KCNC1: variants seen among roughly 807,000 people sequenced by gnomAD.
The protein encoded by KCNC1 is potassium voltage-gated channel subfamily C member 1, also known as voltage-gated potassium channel KCNC1.
KCNC1 carries 8 observed loss-of-function variants against 43.4 expected under a neutral mutation model. The observed-to-expected ratio is 0.18, with a 90% CI of 0.11 to 0.33. The LOEUF (loss-of-function observed/expected upper bound fraction) is 0.33. Ranked by LOEUF, KCNC1 falls within the 10% of genes least tolerant of loss-of-function variation. The probability of loss-of-function intolerance (pLI) is 1.00; values close to 1 mark genes in which losing one functional copy is unlikely to be tolerated. For missense variants in KCNC1, 420 were observed against 836.0 expected (o/e 0.50, Z 6.14); for synonymous variants, 361 against 360.5 (o/e 1.00, Z -0.01).
At chr11:17,745,793 C>G (rs1402739623) in intron 1 of KCNC1, among the ~76,000 whole-genome samples, 2 of 152,208 alleles carry the variant, frequency 1.3e-5, no homozygotes, top group Non-Finnish European at 1.5e-5. Context: ...CTCACACCCC[C>G]TCCAGGTCTA....
At chr11:17,760,228 C>T (rs1044941743) in intron 1 of KCNC1, among the ~76,000 whole-genome samples, 1 of 152,128 alleles carries the variant, frequency 6.6e-6, no homozygotes. Flanking sequence ...TAAATTTAGC[C>T]GAGCTCCCTG....
At position 17,779,533 on chromosome 11, in the gene KCNC1, C is replaced by A. The variant is rs1434381445; in HGVS notation, c.1582C>A (p.Pro528Thr). The A allele has an allele frequency of 1.9e-6, 3 of 1,551,218 alleles. No homozygotes were observed. The East Asian group carries it at 7.3e-5, about 38-fold the overall frequency. ...DCPHIDQALT[P>T]DEGLPFTRSG... ...CCCCCACATAGACCAGGCCCTCACT[C>A]CCGATGAGGGCCTGCCCTTTACGCG... The change falls in exon 3 of 4, where the codon CCC becomes ACC. Residue 528 changes from proline to threonine, a missense_variant. By Grantham distance (38) the Pro-to-Thr change is conservative. Around this residue, in one of 5 missense-constraint regions of KCNC1, gnomAD observed 147 missense variants for 176.1 expected, o/e 0.83. Transcript: ENST00000265969. This position sits in a 1 kb window ranked among gnomAD's most constrained non-coding sequence, Gnocchi z 7.2.
rs374684541 is a variant in KCNC1, at chr11:17,779,561, C to T, written c.1610C>T (p.Ser537Leu). 1.7e-5 allele frequency: 26 copies of T among 1,551,400 alleles called. No homozygotes were observed. The highest frequency in any genetic ancestry group is 3.6e-5 in the South Asian group (3 of 84,046). The change falls in exon 3 of 4, where the codon TCG becomes TTG. Residue 537 changes from serine (S) to leucine (L), a missense_variant. Physicochemically the swap from Ser to Leu is moderately radical, Grantham distance 145. Around this residue, in one of 5 missense-constraint regions of KCNC1, gnomAD observed 147 missense variants for 176.1 expected, o/e 0.83. Transcript: ENST00000265969. The surrounding 1 kb of genome is among the most constrained non-coding windows in gnomAD (Gnocchi z 7.2). The part of the protein sequence containing the change: ...TPDEGLPFTR[S>L]GTRERYGPCF... The stretch of plus-strand genomic sequence containing the variant: ...GATGAGGGCCTGCCCTTTACGCGCT[C>T]GGGCACCCGCGAGAGATACGGACCC...
rs1056933632 is a variant in KCNC1 at position 17,777,997 on chromosome 11, C to T, written c.1505-1459C>T. Reference sequence around the variant, plus strand: ...GGGTGGACATTGTCTCCAGCCTTTTCCCCCCACTCTACTCTTTCAGAGAGC... The same window carrying T: ...GGGTGGACATTGTCTCCAGCCTTTTTCCCCCACTCTACTCTTTCAGAGAGC... On this transcript the variant is annotated intron_variant, in intron 2 of 3. Transcript: ENST00000265969. The surrounding 1 kb of genome is among the most constrained non-coding windows in gnomAD (Gnocchi z 4.3). Among the ~76,000 whole-genome samples, 2 of 152,092 alleles carry T rather than the reference C, an allele frequency of 1.3e-5. No homozygotes were observed. Among genetic ancestry groups the T allele is most frequent in the Non-Finnish European group, 2.9e-5 (2 of 68,010 alleles).
chr11:17,774,666 C>T (rs1849265677), intron 2 of KCNC1: 1 of 985,548 alleles, frequency 1.0e-6, no homozygotes, highest in Non-Finnish European at 1.2e-6. Context: ...AGCCACTTTG[C>T]CCTGGTCCCA....
chr11:17,753,932 G>C (rs1419002195), intron 1 of KCNC1, among the ~76,000 whole-genome samples: 1 of 152,208 alleles, frequency 6.6e-6, no homozygotes, highest in Non-Finnish European at 1.5e-5. Context: ...CAGGCTGTTG[G>C]ACTACATCAT....
At chr11:17,738,470 C>T (rs2133776362) in intron 1 of KCNC1, among the ~76,000 whole-genome samples, 1 of 152,310 alleles carries the variant, frequency 6.6e-6, no homozygotes, top group East Asian at 1.9e-4. Context: ...GCCCCAGAAG[C>T]AAGGGGTAGG....
In KCNC1 at chr11:17,757,344, G is replaced by A. The variant is rs542252339; in HGVS notation, c.571-14321G>A. 4.6e-5 allele frequency among the ~76,000 whole-genome samples: 7 copies of A among 152,358 alleles called. No individual in the cohort carries two copies. The South Asian group carries it at 6.2e-4, about 14-fold the overall frequency. ...GGGATGTCTCAGGGGCATGTCCTGA[G>A]TCTTATCTGCAGGTATAGGCAGGAC... On this transcript the variant is annotated intron_variant, in intron 1 of 3. Transcript: ENST00000265969.
At position 17,772,594 on chromosome 11, in the gene KCNC1, A is replaced by C; in HGVS notation, c.1500A>C (p.Arg500Ser). Reference protein sequence around the residue: ...LAQEEILEINRADSKLNGEVA... With the variant: ...LAQEEILEINSADSKLNGEVA... ...AGGAAGAAATTTTAGAAATTAACAG[A>C]GCAGGTAGGAAACCTCTTAGAGGCA... is the stretch of plus-strand genomic sequence containing the variant. The change falls in exon 2 of 4, where the codon AGA becomes AGC. Residue 500 changes from arginine to serine, a missense_variant. This residue lies in a region of KCNC1 where 147 missense variants were observed against 176.1 expected (regional missense o/e 0.83). Transcript: ENST00000265969. 6.2e-7 allele frequency: 1 copy of C among 1,612,108 alleles called. No homozygotes were observed. The highest frequency in any genetic ancestry group is 8.5e-7 in the Non-Finnish European group (1 of 1,178,650).
In KCNC1 at chr11:17,736,407, C is replaced by T. The variant is rs945312287; in HGVS notation, c.405C>T (p.Asp135=). ...APLDNSADDA[D]ADGPGDSGDG... is the part of the protein sequence containing the mutation. ...TGGACAACAGCGCCGACGACGCGGA[C>T]GCCGACGGCCCTGGCGACTCGGGCG... The change falls in exon 1 of 4, where the codon GAC becomes GAT. Residue 135 remains aspartate, a synonymous_variant. Transcript: ENST00000265969. This position sits in a 1 kb window ranked among gnomAD's most constrained non-coding sequence, Gnocchi z 9.3. The T allele has an allele frequency of 1.2e-6, 2 of 1,609,034 alleles. No individual in the cohort carries two copies. The highest frequency in any genetic ancestry group is 1.7e-6 in the Non-Finnish European group (2 of 1,178,462).
chr11:17,770,780 C>G (rs549942147), intron 1 of KCNC1, among the ~76,000 whole-genome samples: 1 of 152,196 alleles, frequency 6.6e-6, no homozygotes, highest in East Asian at 1.9e-4. Flanking sequence ...TTGGGAAGCC[C>G]CAGGCCTCCA....
chr11:17,778,935 A>G (rs1333918554), intron 2 of KCNC1, among the ~76,000 whole-genome samples: 1 of 151,994 alleles, frequency 6.6e-6, no homozygotes, highest in African/African-American at 2.4e-5. Context: ...GGGGTAGAGT[A>G]GATGAGATGG....
At chr11:17,774,142 A>G (rs1344394061) in intron 2 of KCNC1, 9 of 985,222 alleles carry the variant, frequency 9.1e-6, no homozygotes, top group Non-Finnish European at 1.1e-5. Context: ...CCTTCCTGGG[A>G]TTTCTGTAGG....
intron 1 of KCNC1, among the ~76,000 whole-genome samples, chr11:17,766,990 C>T (rs927399862): frequency 2.1e-5 from 3 of 142,796 alleles, no homozygotes; most frequent in South Asian, 2.2e-4. Flanking sequence ...AAAAATTAGC[C>T]GGGCGTGGTG....
At chr11:17,764,013 C>G (rs1223843723) in intron 1 of KCNC1, among the ~76,000 whole-genome samples, 2 of 142,702 alleles carry the variant, frequency 1.4e-5, no homozygotes, top group African/African-American at 2.6e-5. Flanking sequence ...ACACAGCACC[C>G]CACACGTGCA....
intron 1 of KCNC1, among the ~76,000 whole-genome samples, chr11:17,749,701 T>C (rs1565156657): frequency 6.6e-6 from 1 of 152,172 alleles, no homozygotes; most frequent in Non-Finnish European, 1.5e-5. Context: ...GGCTGGGCCC[T>C]GTAAACCCAC....
At position 17,768,800 on chromosome 11, in the gene KCNC1, TG is replaced by T. The variant is rs1205933491; in HGVS notation, c.571-2859del. On this transcript the variant is annotated intron_variant, in intron 1 of 3. Transcript: ENST00000265969. Reference sequence around the variant, plus strand: ...CAAAGGCCAGGGCAGGGGGTGCAGCTGGGGGGCCTGCCCTGCCCTTAGGGAG... The same window carrying T: ...CAAAGGCCAGGGCAGGGGGTGCAGCTGGGGGCCTGCCCTGCCCTTAGGGAG... 3.9e-5 allele frequency among the ~76,000 whole-genome samples: 6 copies of T among 151,918 alleles called. No individual in the cohort carries two copies. The East Asian group carries it at 1.2e-3, about 30-fold the overall frequency.
chr11:17,750,064 T>C (rs1184643562), intron 1 of KCNC1, among the ~76,000 whole-genome samples: 1 of 152,220 alleles, frequency 6.6e-6, no homozygotes, highest in Non-Finnish European at 1.5e-5. Flanking sequence ...GTTCTGATCC[T>C]TCCTCTGCCT....
At chr11:17,738,014 G>T (rs1017143614) in intron 1 of KCNC1, among the ~76,000 whole-genome samples, 1 of 152,056 alleles carries the variant, frequency 6.6e-6, no homozygotes, top group Non-Finnish European at 1.5e-5. Flanking sequence ...GGGCGGGCGG[G>T]GGGCAGGTAG....
Sources: allele counts gnomAD v4.1 joint callset (sites outside exome capture counted in the v4.1 genomes callset), GRCh38; gene constraint gnomAD v4.1.1; regional missense constraint gnomAD v4.1.1; non-coding constraint Gnocchi (gnomAD v3.1); transcripts MANE v1.5; gene names NCBI Gene and HGNC (gene_info 2026-07-23, HGNC 2026-07-21).